EP300: variants seen among roughly 807,000 people sequenced by gnomAD.
EP300 encodes the protein EP300 lysine acetyltransferase.
A neutral mutation model predicts 264.0 loss-of-function variants in EP300; 31 were observed. The observed-to-expected ratio is 0.12, with a 90% CI of 0.09 to 0.16. The LOEUF (loss-of-function observed/expected upper bound fraction) is 0.16. Ranked by LOEUF, EP300 falls within the 10% of genes least tolerant of loss-of-function variation. The pLI is 1.00. For synonymous variants in EP300, 1,340 were observed against 1,045.4 expected, an observed-to-expected ratio of 1.28 and a Z score of -5.44; for missense variants, 2,766 against 3,052.9, an observed-to-expected ratio of 0.91 and a Z score of 2.21.
At chr22:41,113,163 C>G (rs879163369) in intron 1 of EP300, among the ~76,000 whole-genome samples, 1 of 141,454 alleles carries the variant, frequency 7.1e-6, no homozygotes, top group Non-Finnish European at 1.5e-5. Context: ...TTCCACCCCC[C>G]CCCCAACTTA....
intron 23 of EP300, 173 bp from the exon 24 acceptor site, chr22:41,168,276 A>G: frequency 1.5e-6 from 1 of 664,902 alleles, no homozygotes; most frequent in Non-Finnish European, 2.7e-6. Context: ...TGTTCCCTGC[A>G]CTCATATGAC....
intron 14 of EP300, among the ~76,000 whole-genome samples, chr22:41,150,887 T>A (rs1440578205): frequency 4.9e-5 from 7 of 144,228 alleles, no homozygotes; most frequent in African/African-American, 1.9e-4. Context: ...TGAAACTCCG[T>A]CTAAAAAAAA....
chr22:41,156,318 C>T (rs1016873690), intron 17 of EP300, among the ~76,000 whole-genome samples: 1 of 152,128 alleles, frequency 6.6e-6, no homozygotes, highest in East Asian at 1.9e-4. Context: ...CGGCCACTTT[C>T]GTTGTTTCAA....
In EP300 at chr22:41,129,891, G is replaced by A. The variant is rs2058907530; in HGVS notation, c.1170G>A (p.Val390=). ...AAAAATATGTTTTCTTCTCTTTAGTGGCACACTGTGCATCTTCTCGACAAA... is the reference window on the plus strand; with the variant it reads ...AAAAATATGTTTTCTTCTCTTTAGTAGCACACTGTGCATCTTCTCGACAAA... ...THCQSGKSCQ[V]AHCASSRQII... is the part of the protein sequence containing the mutation. The change falls in exon 5 of 31, where the codon GTG becomes GTA. Residue 390 remains valine (V), a splice_region_variant and synonymous_variant. Coordinates refer to ENST00000263253, the MANE Select transcript of EP300 (RefSeq NM_001429.4). 1 of 1,612,080 alleles carries A rather than the reference G, an allele frequency of 6.2e-7. No individual in the cohort carries two copies. Among genetic ancestry groups the A allele is most frequent in the Admixed American group, 1.7e-5 (1 of 59,988 alleles).
chr22:41,118,606 T>C (rs1490599792), intron 2 of EP300, among the ~76,000 whole-genome samples: 1 of 152,114 alleles, frequency 6.6e-6, no homozygotes, highest in African/African-American at 2.4e-5. Context: ...TCACAAGGAG[T>C]CAAGAGCAAG....
intron 24 of EP300, 31 bp downstream of exon 24, chr22:41,168,630 G>T (rs757111228): frequency 1.2e-6 from 2 of 1,614,152 alleles, no homozygotes; most frequent in East Asian, 2.2e-5. Flanking sequence ...TCTTCTCCTC[G>T]TGGATCCAAA....
intron 1 of EP300, among the ~76,000 whole-genome samples, chr22:41,098,687 TGA>T (rs373713441): frequency 6.6e-6 from 1 of 151,868 alleles, no homozygotes; most frequent in African/African-American, 2.4e-5. Flanking sequence ...GTAATTTTGT[TGA>T]GAGAGAGAGA....
At chr22:41,170,285 C>A in intron 26 of EP300, 121 bp from the exon 27 acceptor site, 1 of 896,406 alleles carries the variant, frequency 1.1e-6, no homozygotes, top group Non-Finnish European at 1.7e-6. Context: ...GTTATATATA[C>A]ACTGTGTTAT....
intron 19 of EP300, chr22:41,159,498 G>A (rs2059096197): frequency 6.6e-6 from 1 of 152,090 alleles, no homozygotes; most frequent in African/African-American, 2.4e-5. Context: ...GTTTAAAAAA[G>A]CAAGTAACTG....
intron 1 of EP300, among the ~76,000 whole-genome samples, chr22:41,101,121 C>A (rs1311290366): frequency 6.6e-6 from 1 of 152,148 alleles, no homozygotes; most frequent in East Asian, 1.9e-4. Context: ...GTTTCCTAGA[C>A]AGGAGTGCAG....
intron 21 of EP300, among the ~76,000 whole-genome samples, chr22:41,163,413 C>T (rs1424603032): frequency 4.5e-5 from 5 of 111,924 alleles, no homozygotes; most frequent in South Asian, 2.9e-4. Context: ...CCAGCCTGGG[C>T]GACAGAGCGA....
At chr22:41,135,929 C>T (rs1458858651) in intron 7 of EP300, 23 bp downstream of exon 7, 5 of 1,530,196 alleles carry the variant, frequency 3.3e-6, no homozygotes, top group Admixed American at 1.7e-5. Flanking sequence ...GTGATTTATA[C>T]CCTGGGTCAC....
At chr22:41,158,971 A>G (rs1467074207) in intron 19 of EP300, 1 of 167,896 alleles carries the variant, frequency 6.0e-6, no homozygotes, top group East Asian at 1.6e-4. Flanking sequence ...GCCTCATATT[A>G]AGCAAATTAA....
In EP300 at chr22:41,125,774, C is replaced by G. The variant is rs2058878456; in HGVS notation, c.730-90C>G. Reference sequence around the variant, plus strand: ...AGCTGAGAATTTCCTTTGAAACTGTCTTTGTGAACTTGGAAGTGAAATCAG... The same window carrying G: ...AGCTGAGAATTTCCTTTGAAACTGTGTTTGTGAACTTGGAAGTGAAATCAG... On this transcript the variant is annotated intron_variant, in intron 2 of 30. Coordinates refer to ENST00000263253, the MANE Select transcript of EP300 (RefSeq NM_001429.4). 2.9e-6 allele frequency: 4 copies of G among 1,389,224 alleles called. No individual in the cohort carries two copies. In the South Asian group the frequency reaches 5.0e-5, roughly 17 times the overall value. 86.1% of individuals were successfully genotyped at this position (1,389,224 alleles called of 1,614,324 possible).
intron 19 of EP300, chr22:41,159,236 G>C (rs957556278): frequency 7.9e-5 from 12 of 152,276 alleles, no homozygotes; most frequent in African/African-American, 2.9e-4. Flanking sequence ...AACAAGGCTG[G>C]ATGATATTAA....
chr22:41,137,106 C>A (rs1414426357), intron 7 of EP300, among the ~76,000 whole-genome samples: 1 of 151,944 alleles, frequency 6.6e-6, no homozygotes, highest in South Asian at 2.1e-4. Flanking sequence ...CGCCTGTAAT[C>A]TCAGCACTTT....
rs949538020 is a variant in EP300, at chr22:41,117,184, T to C, written c.95-3T>C. On this transcript the variant is annotated splice_region_variant and splice_polypyrimidine_tract_variant and intron_variant, in intron 1 of 30. Transcript: ENST00000263253. ...GACCTTTGTCTTTTCCCTTTGCTTTTAGATTTTGGCTCTCTATTTGACTTG... is the reference window on the plus strand; with the variant it reads ...GACCTTTGTCTTTTCCCTTTGCTTTCAGATTTTGGCTCTCTATTTGACTTG... 1.2e-6 allele frequency: 2 copies of C among 1,614,148 alleles called. No individual in the cohort carries two copies.
rs1223680688 is a variant in EP300 at position 41,127,564 on chromosome 22, T to C, written c.984T>C (p.His328=). 9.3e-6 allele frequency: 15 copies of C among 1,614,220 alleles called. No individual in the cohort carries two copies. Among genetic ancestry groups the C allele is most frequent in the African/African-American group, 1.3e-5 (1 of 75,066 alleles). ...CCCAAGGGATGGGTTCTGGAGCACA[T>C]ACAGCTGATCCAGAGAAGCGCAAGC... The part of the protein sequence containing the change: ...PVAQGMGSGA[H]TADPEKRKLI... Residue 328 remains histidine, a synonymous_variant, in exon 4 of 31, where the codon CAT becomes CAC. Coordinates refer to ENST00000263253, the MANE Select transcript of EP300 (RefSeq NM_001429.4).
chr22:41,174,410 CA>C (rs1032580564), intron 29 of EP300, among the ~76,000 whole-genome samples: 4 of 151,900 alleles, frequency 2.6e-5, no homozygotes, highest in African/African-American at 9.7e-5. Context: ...GACTCTGTTT[CA>C]AAAAATAAAA....
Sources: gnomAD v4.1 joint callset for allele counts (sites outside exome capture counted in the v4.1 genomes callset) on GRCh38, gnomAD v4.1.1 for gene constraint, MANE v1.5 for transcripts, NCBI Gene and HGNC (gene_info 2026-07-23, HGNC 2026-07-21) for gene names.